ALLC: variants seen among roughly 807,000 people sequenced by gnomAD.
ALLC encodes probable inactive allantoicase.
Under a neutral mutation model 45.0 loss-of-function variants are expected in ALLC, and 40 were observed. That is an observed-to-expected ratio of 0.89 (90% CI 0.69 to 1.16). The LOEUF is 1.16. ALLC is among the 50% of genes most tolerant of loss of function. ALLC has a pLI of 0.00. For synonymous variants in ALLC, 176 were observed against 178.1 expected (o/e 0.99, Z 0.09); for missense variants, 488 against 493.1 (o/e 0.99, Z 0.10).
intron 7 of ALLC, among the ~76,000 whole-genome samples, chr2:3,694,218 C>T (rs892955693): frequency 2.6e-5 from 4 of 152,164 alleles, no homozygotes; most frequent in Admixed American, 1.3e-4. Flanking sequence ...GGTCCCTAAG[C>T]ACATGAAAGC....
At chr2:3,647,998 G>C in the ALLC span, among the ~76,000 whole-genome samples, 4 of 152,278 alleles carry the variant, frequency 2.6e-5, no homozygotes, top group East Asian at 7.7e-4. Flanking sequence ...AGGCAGGAGA[G>C]GAGAGACCAG....
intron 7 of ALLC, among the ~76,000 whole-genome samples, chr2:3,684,241 T>C (rs1282334986): frequency 6.6e-6 from 1 of 152,230 alleles, no homozygotes; most frequent in Non-Finnish European, 1.5e-5. Context: ...TCCCTGCCTT[T>C]CCCAGCACTC....
chr2:3,687,935 G>T (rs1667373496), intron 7 of ALLC: 1 of 151,632 alleles, frequency 6.6e-6, no homozygotes, highest in Admixed American at 6.6e-5. Context: ...CCTAGCAGCT[G>T]AGAACCTCTC....
At chr2:3,665,457 G>C (rs1666681050) in intron 1 of ALLC, among the ~76,000 whole-genome samples, 1 of 152,066 alleles carries the variant, frequency 6.6e-6, no homozygotes, top group South Asian at 2.1e-4. Flanking sequence ...TTGTCCTGAT[G>C]CTCCTCCTCC....
intron 1 of ALLC, among the ~76,000 whole-genome samples, chr2:3,664,610 G>T (rs1303007550): frequency 6.6e-6 from 1 of 152,176 alleles, no homozygotes; most frequent in East Asian, 1.9e-4. Flanking sequence ...CGGGCCAGGT[G>T]TTGTGACTCA....
the ALLC span, among the ~76,000 whole-genome samples, chr2:3,649,484 A>G: frequency 1.1e-4 from 17 of 152,044 alleles, no homozygotes; most frequent in East Asian, 3.9e-4. Context: ...CTCGTGATCC[A>G]CCCGCCTCGG....
intron 10 of ALLC, 97 bp downstream of exon 10, chr2:3,697,553 T>C: frequency 3.2e-6 from 3 of 933,724 alleles, no homozygotes; most frequent in Non-Finnish European, 5.1e-6. Flanking sequence ...GGACTTTCGG[T>C]GTGGATTCCC....
At chr2:3,677,861 C>T (rs1048020845) in intron 3 of ALLC, among the ~76,000 whole-genome samples, 3 of 152,238 alleles carry the variant, frequency 2.0e-5, no homozygotes, top group African/African-American at 7.2e-5. Flanking sequence ...TTCTGAGCAT[C>T]CACGCTATTT....
intron 11 of ALLC, 33 bp downstream of exon 11, chr2:3,701,669 C>CA: frequency 1.3e-6 from 2 of 1,598,372 alleles, no homozygotes; most frequent in Non-Finnish European, 1.7e-6. Context: ...ATCCAGCACT[C>CA]AGACTGTGCT....
chr2:3,647,598 C>T, the ALLC span, among the ~76,000 whole-genome samples: 2 of 151,580 alleles, frequency 1.3e-5, no homozygotes, highest in South Asian at 2.1e-4. Context: ...GTCGCTCACC[C>T]GTCCTCTCCT....
chr2:3,675,962 C>G (rs4849978), intron 3 of ALLC, among the ~76,000 whole-genome samples: 109,777 of 151,888 alleles, frequency 0.72, 40,428 homozygotes, highest in East Asian at 0.9. Context: ...CCACCTGCCG[C>G]TGATTCCCTC....
At chr2:3,684,272 T>C (rs1287808704) in intron 7 of ALLC, among the ~76,000 whole-genome samples, 1 of 152,236 alleles carries the variant, frequency 6.6e-6, no homozygotes, top group Non-Finnish European at 1.5e-5. Flanking sequence ...TTTTTGTTTA[T>C]AGTCATCCTA....
chr2:3,702,617 T>G lies in ALLC; in HGVS notation c.*54T>G. 1.4e-5 allele frequency: 21 copies of G among 1,473,082 alleles called. No homozygotes were observed. The highest frequency in any genetic ancestry group is 1.9e-5 in the Non-Finnish European group (21 of 1,108,232). 91.3% of individuals were successfully genotyped at this position (1,473,082 alleles called of 1,614,324 possible). On this transcript the variant is annotated 3_prime_UTR_variant, in exon 12 of 12. Transcript: ENST00000252505. ...CAGCAGTAATTTCCCAGTCATAGTC[T>G]TCTTTTCAAATGTTTTGAACACCTG...
At chr2:3,671,908 G>T (rs528912305) in intron 2 of ALLC, among the ~76,000 whole-genome samples, 1 of 128,988 alleles carries the variant, frequency 7.8e-6, no homozygotes, top group African/African-American at 3.2e-5. Flanking sequence ...TCTGGCTCTG[G>T]TTAGATGGGA....
chr2:3,660,391 C>T (rs1666542946), intron 1 of ALLC, among the ~76,000 whole-genome samples: 1 of 152,140 alleles, frequency 6.6e-6, no homozygotes, highest in Non-Finnish European at 1.5e-5. Context: ...TGTCCAGCCT[C>T]AGGCATTCCT....
chr2:3,649,253 T>G, the ALLC span, among the ~76,000 whole-genome samples: 1 of 151,846 alleles, frequency 6.6e-6, no homozygotes, highest in Non-Finnish European at 1.5e-5. Flanking sequence ...CTTTTTTTTT[T>G]TTTTTTGAGA....
rs755611097 is a variant in ALLC at position 3,696,283 on chromosome 2, G to A, written c.676G>A (p.Gly226Arg). The A allele has an allele frequency of 1.4e-5, 23 of 1,612,750 alleles. No individual in the cohort carries two copies. Among genetic ancestry groups the A allele is most frequent in the African/African-American group, 4.0e-5 (3 of 74,898 alleles). ...AATGTTATTTTCTGTAGGAGTTGGC[G>A]GGGCAAAGTCTATGGCGGATGGTTG... is the stretch of plus-strand genomic sequence containing the variant. ...GHPNNIIGVG[G>R]AKSMADGWET... The change falls in exon 9 of 12, where the codon GGG (glycine) becomes AGG (arginine). Residue 226 changes from glycine to arginine, a missense_variant. Coordinates refer to ENST00000252505, the MANE Select transcript of ALLC (RefSeq NM_018436.4).
At chr2:3,670,709 T>A (rs551866914) in intron 1 of ALLC, among the ~76,000 whole-genome samples, 1 of 152,330 alleles carries the variant, frequency 6.6e-6, no homozygotes, top group Non-Finnish European at 1.5e-5. Context: ...ACCCAGGGTC[T>A]CAATACATGT....
the ALLC span, among the ~76,000 whole-genome samples, chr2:3,651,313 TGGGGGG>T: frequency 8.8e-3 from 75 of 8,540 alleles, 9 homozygotes; most frequent in Middle Eastern, 0.038. Flanking sequence ...GGTGGGTGGG[TGGGGGG>T]GGTGTGTGTG....
Sources: gnomAD v4.1 joint callset for allele counts (sites outside exome capture counted in the v4.1 genomes callset) on GRCh38, gnomAD v4.1.1 for gene constraint, MANE v1.5 for transcripts, NCBI Gene and HGNC (gene_info 2026-07-23, HGNC 2026-07-21) for gene names.